TTLL6: variants seen among roughly 807,000 people sequenced by gnomAD.
TTLL6 encodes the protein tubulin tyrosine ligase like 6.
In TTLL6, 75 loss-of-function variants were observed where a neutral mutation model predicts 96.4. The ratio of observed to expected loss-of-function variants is 0.78; its 90% CI spans 0.65 to 0.94. TTLL6 has a LOEUF of 0.94. TTLL6 is among the 40% of genes least tolerant of loss of function. The pLI is 0.00. For missense variants in TTLL6, 1,030 were observed against 1,093.0 expected, an observed-to-expected ratio of 0.94 and a Z score of 0.81; for synonymous variants, 411 against 419.4, an observed-to-expected ratio of 0.98 and a Z score of 0.24.
In TTLL6 at chr17:48,811,297, T is replaced by A. The variant is rs141689572; in HGVS notation, c.103+5673A>T. On this transcript the variant is annotated intron_variant, in intron 1 of 15. Transcript: ENST00000393382. ...ATTGGTCAGGCTGGTCTCAAACTCC[T>A]GACCTCAGGTGATCCACCCACCTTG... Among the ~76,000 whole-genome samples the A allele has an allele frequency of 2.0e-5, 3 of 152,148 alleles. No individual in the cohort carries two copies. In the East Asian group the frequency reaches 5.8e-4, roughly 29 times the overall value.
Position 48,769,988 on chromosome 17 carries a change from T to C in TTLL6, c.2150A>G (p.Glu717Gly). 6.2e-7 allele frequency: 1 copy of C among 1,614,166 alleles called. No homozygotes were observed. Among genetic ancestry groups the C allele is most frequent in the Non-Finnish European group, 8.5e-7 (1 of 1,180,038 alleles). ...TTTAAAGGATACCACCCTGTCCGTC[T>C]CTGGGCCACTGTACTCAGAGCTGGC... is the stretch of plus-strand genomic sequence containing the variant. Reference protein sequence around the residue: ...VTASSEYSGPETDRVVSFKCK... With the variant: ...VTASSEYSGPGTDRVVSFKCK... The change falls in exon 14 of 16, where the codon GAG becomes GGG. Residue 717 changes from glutamate (E) to glycine (G), a missense_variant. Coordinates refer to ENST00000393382, the MANE Select transcript of TTLL6 (RefSeq NM_001130918.3).
intron 13 of TTLL6, among the ~76,000 whole-genome samples, chr17:48,783,185 T>C (rs1321320679): frequency 6.6e-6 from 1 of 152,172 alleles, no homozygotes; most frequent in Admixed American, 6.5e-5. Flanking sequence ...GATTTCTTAC[T>C]GTGGGCTATG....
chr17:48,791,348 C>A, intron 9 of TTLL6, 30 bp downstream of exon 9: 1 of 1,592,938 alleles, frequency 6.3e-7, no homozygotes, highest in South Asian at 1.1e-5. Flanking sequence ...AACAGGAGTT[C>A]GTTTTCGCCC....
rs201283982 is a variant in TTLL6 at position 48,770,032 on chromosome 17, C to T, written c.2106G>A (p.Pro702=). The T allele has an allele frequency of 4.1e-5, 66 of 1,614,060 alleles. No homozygotes were observed. The highest frequency in any genetic ancestry group is 5.3e-5 in the Non-Finnish European group (62 of 1,180,004). ...AGCTGGCGGTCACAGCCAGGGTTGG[C>T]GGAGACTTTGGGGAGATTGAGAGTT... ...TTQLSISPKS[P]PTLAVTASSE... is the part of the protein sequence containing the mutation. The change falls in exon 14 of 16, where the codon CCG becomes CCA. Residue 702 remains proline (P), a synonymous_variant. Coordinates refer to ENST00000393382, the MANE Select transcript of TTLL6 (RefSeq NM_001130918.3).
rs201379953 is a variant in TTLL6 at position 48,785,095 on chromosome 17, G to A, written c.1868C>T (p.Thr623Met). The A allele has an allele frequency of 1.4e-4, 233 of 1,614,172 alleles. No homozygotes were observed. The East Asian group carries it at 4.1e-3, about 29-fold the overall frequency. Residue 623 changes from threonine to methionine, a missense_variant, in exon 13 of 16, where the codon ACG becomes ATG. Physicochemically the swap from Thr to Met is moderately conservative, Grantham distance 81. Coordinates refer to ENST00000393382, the MANE Select transcript of TTLL6 (RefSeq NM_001130918.3). Reference protein sequence around the residue: ...TDSSLNQEAPTEEASSVFPKL... With the variant: ...TDSSLNQEAPMEEASSVFPKL... Reference sequence around the variant, plus strand: ...GGGGAAAACAGAGCTGGCCTCCTCCGTGGGAGCCTCCTGGTTGAGGCTGCT... The same window carrying A: ...GGGGAAAACAGAGCTGGCCTCCTCCATGGGAGCCTCCTGGTTGAGGCTGCT...
chr17:48,778,732 C>T (rs887123320), intron 13 of TTLL6, among the ~76,000 whole-genome samples: 6 of 151,750 alleles, frequency 4.0e-5, no homozygotes, highest in Admixed American at 6.6e-5. Context: ...GAGTTCGAGA[C>T]CAGCCTGACC....
intron 13 of TTLL6, among the ~76,000 whole-genome samples, chr17:48,775,556 T>TTATTAC (rs1377197645): frequency 2.0e-5 from 3 of 150,054 alleles, no homozygotes; most frequent in Non-Finnish European, 4.4e-5. Context: ...ATTATTATTA[T>TTATTAC]TTGAGACAGA....
chr17:48,789,745 C>T (rs546032044), intron 10 of TTLL6, among the ~76,000 whole-genome samples, 186 bp downstream of exon 10: 5 of 152,034 alleles, frequency 3.3e-5, no homozygotes, highest in East Asian at 1.9e-4. Context: ...TTAGTAGAGA[C>T]GGGGTTTCAC....
At chr17:48,809,246 G>A (rs1428740129) in intron 1 of TTLL6, among the ~76,000 whole-genome samples, 4 of 152,094 alleles carry the variant, frequency 2.6e-5, no homozygotes, top group Non-Finnish European at 5.9e-5. Flanking sequence ...ATAAAACCTG[G>A]GTCTTCTGAG....
At chr17:48,798,817 CTTTTTT>C (rs546272759) in intron 6 of TTLL6, among the ~76,000 whole-genome samples, 2 of 116,962 alleles carry the variant, frequency 1.7e-5, no homozygotes, top group Admixed American at 9.5e-5. Context: ...TGTTGCAGTT[CTTTTTT>C]TTTTTTTTTT....
intron 13 of TTLL6, among the ~76,000 whole-genome samples, chr17:48,771,211 G>A (rs2038737812): frequency 6.6e-6 from 1 of 152,172 alleles, no homozygotes; most frequent in Admixed American, 6.5e-5. Context: ...TGTGGAATGA[G>A]GAGGAAAGGA....
At chr17:48,776,637 T>C (rs1025917550) in intron 13 of TTLL6, among the ~76,000 whole-genome samples, 5 of 152,208 alleles carry the variant, frequency 3.3e-5, no homozygotes, top group African/African-American at 1.2e-4. Flanking sequence ...TTGAAAACTA[T>C]AAAACTTTGT....
At chr17:48,785,822 T>C (rs1318706870) in intron 12 of TTLL6, among the ~76,000 whole-genome samples, 2 of 152,144 alleles carry the variant, frequency 1.3e-5, no homozygotes, top group Non-Finnish European at 2.9e-5. Flanking sequence ...CAACCCAAGC[T>C]GCAGTTGAGG....
intron 7 of TTLL6, 38 bp downstream of exon 7, chr17:48,797,023 A>G: frequency 1.3e-6 from 2 of 1,524,932 alleles, no homozygotes; most frequent in Non-Finnish European, 1.8e-6. Context: ...TAATCACGCT[A>G]TGGGGGTAGG....
At chr17:48,801,197 G>A (rs2039405632) in intron 5 of TTLL6, 58 bp downstream of exon 5, 1 of 1,501,608 alleles carries the variant, frequency 6.7e-7, no homozygotes, top group Non-Finnish European at 9.0e-7. Context: ...TCGGGGGCAA[G>A]AGGAAATGTA....
At position 48,803,899 on chromosome 17, in the gene TTLL6, T is replaced by C. The variant is rs183078805; in HGVS notation, c.353A>G (p.Tyr118Cys). The C allele has an allele frequency of 6.4e-7, 1 of 1,552,048 alleles. No individual in the cohort carries two copies. Among genetic ancestry groups the C allele is most frequent in the East Asian group, 2.4e-5 (1 of 40,934 alleles). The change falls in exon 3 of 16, where the codon TAT becomes TGT. Residue 118 changes from tyrosine (Y) to cysteine (C), a missense_variant. Coordinates refer to ENST00000393382, the MANE Select transcript of TTLL6 (RefSeq NM_001130918.3). Reference sequence around the variant, plus strand: ...TGAATGTAGATGCTCACCACTCTCATACCGGCAGCTGGATAGATTGATCAC... The same window carrying C: ...TGAATGTAGATGCTCACCACTCTCACACCGGCAGCTGGATAGATTGATCAC... Reference protein sequence around the residue: ...RLVINLSSCRYESVRRAAQQY... With the variant: ...RLVINLSSCRCESVRRAAQQY...
intron 13 of TTLL6, among the ~76,000 whole-genome samples, chr17:48,780,864 T>C (rs1166221416): frequency 1.3e-5 from 2 of 152,204 alleles, no homozygotes; most frequent in Non-Finnish European, 2.9e-5. Context: ...TATATGTATA[T>C]ACCACATTTT....
At position 48,799,204 on chromosome 17, in the gene TTLL6, C is replaced by G. The variant is rs2039368817; in HGVS notation, c.768+400G>C. Among the ~76,000 whole-genome samples, 2 of 152,206 alleles carry G rather than the reference C, an allele frequency of 1.3e-5. 1 individual carries two copies. Among genetic ancestry groups the G allele is most frequent in the South Asian group, 4.1e-4 (2 of 4,830 alleles). On this transcript the variant is annotated intron_variant, in intron 6 of 15. Transcript: ENST00000393382. ...CTTCCCAGAGAGATCAGTGTGTCCC[C>G]CTCTGTCCACACTCCTAGAGGGCTC... is the stretch of plus-strand genomic sequence containing the variant.
At chr17:48,789,882 C>A in intron 10 of TTLL6, 49 bp downstream of exon 10, 1 of 1,590,768 alleles carries the variant, frequency 6.3e-7, no homozygotes, top group South Asian at 1.1e-5. Flanking sequence ...TTATTGGGAG[C>A]AGGGGAGTCA....
Sources: allele counts gnomAD v4.1 joint callset (sites outside exome capture counted in the v4.1 genomes callset), GRCh38; gene constraint gnomAD v4.1.1; transcripts MANE v1.5; gene names NCBI Gene and HGNC (gene_info 2026-07-23, HGNC 2026-07-21).